FBXL2: variants seen among roughly 807,000 people sequenced by gnomAD.
FBXL2 encodes the protein F-box/LRR-repeat protein 2.
In FBXL2, 38 loss-of-function variants were observed where a neutral mutation model predicts 69.2. The ratio of observed to expected loss-of-function variants is 0.55; its 90% confidence interval spans 0.42 to 0.72. FBXL2 has a LOEUF of 0.72. FBXL2 is among the 30% of genes least tolerant of loss of function. The pLI is 0.00. For synonymous variants in FBXL2, 192 were observed against 201.3 expected, an observed-to-expected ratio of 0.95 and a Z score of 0.39; for missense variants, 354 against 520.3, an observed-to-expected ratio of 0.68 and a Z score of 3.11.
At chr3:33,394,972 C>T (rs1246907929) in intron 12 of FBXL2, among the ~76,000 whole-genome samples, 1 of 152,050 alleles carries the variant, frequency 6.6e-6, no homozygotes, top group Non-Finnish European at 1.5e-5. Flanking sequence ...ACTACCTGAC[C>T]TTTTACAGAA....
chr3:33,300,784 C>T (rs2036210793), intron 2 of FBXL2, among the ~76,000 whole-genome samples: 1 of 151,162 alleles, frequency 6.6e-6, no homozygotes, highest in Non-Finnish European at 1.5e-5. Flanking sequence ...TCTTGGCTCA[C>T]TGCAAGCTCC....
At chr3:33,405,121 G>T (rs2044382251), downstream of FBXL2, among the ~76,000 whole-genome samples, 1 of 151,702 alleles carries the variant, frequency 6.6e-6, no homozygotes, top group Admixed American at 6.6e-5. Flanking sequence ...ATTTTTTTAG[G>T]GTGATCATTT....
intron 2 of FBXL2, among the ~76,000 whole-genome samples, chr3:33,334,790 T>C (rs2039443922): frequency 6.6e-6 from 1 of 151,850 alleles, no homozygotes; most frequent in Non-Finnish European, 1.5e-5. Flanking sequence ...GCTAAAAAAA[T>C]TGGGGGGAGG....
chr3:33,366,419 T>G (rs1298574214), intron 5 of FBXL2, among the ~76,000 whole-genome samples: 1 of 152,032 alleles, frequency 6.6e-6, no homozygotes, highest in Non-Finnish European at 1.5e-5. Context: ...ATAACCCCAG[T>G]GCTTTGGGAG....
In FBXL2 at chr3:33,373,829, T is replaced by C; in HGVS notation, c.583-18T>C. On this transcript the variant is annotated intron_variant, in intron 8 of 14. Transcript: ENST00000484457. ...TCACCTGGATTCCAGCTGTCTTTTGTTTTCTCTGTCCACTCAGTTAGAAGA... is the reference window on the plus strand; with the variant it reads ...TCACCTGGATTCCAGCTGTCTTTTGCTTTCTCTGTCCACTCAGTTAGAAGA... 1 of 1,614,158 alleles carries C rather than the reference T, an allele frequency of 6.2e-7. No homozygotes were observed. The highest frequency in any genetic ancestry group is 8.5e-7 in the Non-Finnish European group (1 of 1,179,988).
chr3:33,372,747 C>T (rs142363070), intron 5 of FBXL2: 17 of 373,724 alleles, frequency 4.5e-5, no homozygotes, highest in African/African-American at 2.0e-4. Context: ...TTTTGTAGAG[C>T]GGAGGGAGCA....
rs1257483158 is a variant in FBXL2, at chr3:33,378,660, A to G, written c.895-25A>G. On this transcript the variant is annotated intron_variant, in intron 12 of 14. Coordinates refer to ENST00000484457, the MANE Select transcript of FBXL2 (RefSeq NM_012157.5). ...TATTAAGTTCTGGTGTAGAAGCCAC[A>G]CTGACACAGCATGTTTCTCTCCAGA... 3 of 1,607,584 alleles carry G rather than the reference A, an allele frequency of 1.9e-6. No homozygotes were observed. In the African/African-American group the frequency reaches 4.0e-5, roughly 22 times the overall value.
chr3:33,277,190 A>C (rs964421121), upstream of FBXL2: 2 of 348,494 alleles, frequency 5.7e-6, no homozygotes, highest in African/African-American at 2.1e-5. Flanking sequence ...TTTTTTAAAA[A>C]AAAAAAAATC....
At chr3:33,415,504 A>C in the FBXL2 span, among the ~76,000 whole-genome samples, 1 of 152,170 alleles carries the variant, frequency 6.6e-6, no homozygotes. Context: ...ACTTATGAGA[A>C]CTCATGATAT....
chr3:33,328,579 C>G (rs2038893332), intron 2 of FBXL2, among the ~76,000 whole-genome samples: 1 of 152,014 alleles, frequency 6.6e-6, no homozygotes, highest in Non-Finnish European at 1.5e-5. Context: ...ACAACGGCAC[C>G]AAGAACATAA....
At chr3:33,422,271 C>T in the FBXL2 span, among the ~76,000 whole-genome samples, 1 of 151,914 alleles carries the variant, frequency 6.6e-6, no homozygotes, top group Non-Finnish European at 1.5e-5. Context: ...GAAAAATATA[C>T]CTTTAAGGAC....
In FBXL2 at chr3:33,364,694, A is replaced by G. The variant is rs748704438; in HGVS notation, c.265A>G (p.Ile89Val). Reference protein sequence around the residue: ...FLRKLSLRGCIGVGDSSLKTF... With the variant: ...FLRKLSLRGCVGVGDSSLKTF... ...GAGGAAGCTCAGCTTGCGAGGCTGC[A>G]TTGGTGTTGGGGATTCCTCCTTGAA... Residue 89 changes from isoleucine to valine, a missense_variant, in exon 5 of 15, where the codon ATT becomes GTT. Physicochemically the swap from Ile to Val is conservative, Grantham distance 29 (BLOSUM62 3). Coordinates refer to ENST00000484457, the MANE Select transcript of FBXL2 (RefSeq NM_012157.5). The G allele has an allele frequency of 2.5e-6, 4 of 1,614,170 alleles. No individual in the cohort carries two copies. Among genetic ancestry groups the G allele is most frequent in the Non-Finnish European group, 3.4e-6 (4 of 1,180,004 alleles).
At chr3:33,363,335 C>G (rs894210067) in intron 4 of FBXL2, among the ~76,000 whole-genome samples, 2 of 152,368 alleles carry the variant, frequency 1.3e-5, no homozygotes, top group South Asian at 4.1e-4. Context: ...GCCACTGCAC[C>G]TGGCCCCTGT....
chr3:33,378,699 A>G lies in FBXL2; in HGVS notation c.909A>G (p.Thr303=). 1.2e-6 allele frequency: 2 copies of G among 1,613,538 alleles called. No homozygotes were observed. The highest frequency in any genetic ancestry group is 1.7e-6 in the Non-Finnish European group (2 of 1,179,814). Residue 303 remains threonine (T), a synonymous_variant, in exon 13 of 15, where the codon ACA becomes ACG. Coordinates refer to ENST00000484457, the MANE Select transcript of FBXL2 (RefSeq NM_012157.5). ...LEECILITDS[T]LIQLSIHCPK... ...TTTCTCTCCAGATAACCGACAGCACACTCATCCAGCTCTCCATTCACTGTC... is the reference window on the plus strand; with the variant it reads ...TTTCTCTCCAGATAACCGACAGCACGCTCATCCAGCTCTCCATTCACTGTC...
At chr3:33,377,800 G>T (rs2042742317) in intron 11 of FBXL2, among the ~76,000 whole-genome samples, 1 of 152,180 alleles carries the variant, frequency 6.6e-6, no homozygotes, top group Admixed American at 6.5e-5. Flanking sequence ...CCAGAGTCTA[G>T]GCTATGGCTA....
In FBXL2 at chr3:33,373,880, T is replaced by C. The variant is rs759027256; in HGVS notation, c.616T>C (p.Tyr206His). 5.6e-6 allele frequency: 9 copies of C among 1,614,120 alleles called. No homozygotes were observed. The highest frequency in any genetic ancestry group is 7.6e-6 in the Non-Finnish European group (9 of 1,180,046). The change falls in exon 9 of 15, where the codon TAC (tyrosine) becomes CAC (histidine). Residue 206 changes from tyrosine to histidine, a missense_variant. By Grantham distance (83) the Tyr-to-His change is moderately conservative. Transcript: ENST00000484457. Reference protein sequence around the residue: ...EDEALKHIQNYCHELVSLNLQ... With the variant: ...EDEALKHIQNHCHELVSLNLQ... ...TGAAGCTCTGAAACACATTCAGAAT[T>C]ACTGCCATGAGCTTGTGAGCCTCAA... is the stretch of plus-strand genomic sequence containing the variant.
At chr3:33,390,373 A>C (rs758097229), downstream of FBXL2, 3 of 1,614,036 alleles carry the variant, frequency 1.9e-6, no homozygotes, top group Non-Finnish European at 2.5e-6. Flanking sequence ...TTTCAGCTGC[A>C]GAAAAAGGAA....
At chr3:33,305,839 G>A (rs923952513) in intron 2 of FBXL2, among the ~76,000 whole-genome samples, 5 of 151,802 alleles carry the variant, frequency 3.3e-5, no homozygotes, top group African/African-American at 1.2e-4. Context: ...CTTGGTAGCT[G>A]TCTTTTTATT....
At chr3:33,400,160 T>G (rs1312033165) in intron 12 of FBXL2, 3 of 1,382,288 alleles carry the variant, frequency 2.2e-6, no homozygotes, top group Non-Finnish European at 2.9e-6. Flanking sequence ...AACATTCTCA[T>G]GCACAGATAC....
Sources: gnomAD v4.1 joint callset for allele counts (sites outside exome capture counted in the v4.1 genomes callset) on GRCh38, gnomAD v4.1.1 for gene constraint, MANE v1.5 for transcripts, NCBI Gene and HGNC (gene_info 2026-07-23, HGNC 2026-07-21) for gene names.